Variants in POR observed in about 807,000 individuals in gnomAD.
POR encodes NADPH--cytochrome P450 reductase.
In POR, 56 loss-of-function variants were observed where a neutral mutation model predicts 84.0. That is an observed-to-expected ratio of 0.67 (90% CI 0.54 to 0.83). The LOEUF (loss-of-function observed/expected upper bound fraction) is 0.83, where lower values mean the gene tolerates loss of function less well. Ranked by LOEUF, POR falls within the 40% of genes least tolerant of loss-of-function variation. The pLI, the probability that POR is intolerant of heterozygous loss-of-function variation, is 0.00. For missense variants in POR, 938 were observed against 944.3 expected, an observed-to-expected ratio of 0.99 and a Z score of 0.09; for synonymous variants, 414 against 400.5, an observed-to-expected ratio of 1.03 and a Z score of -0.40.
rs781795917 is a variant in POR, at chr7:75,986,012, A to G, written c.1759A>G (p.Arg587Gly). 1.7e-5 allele frequency: 26 copies of G among 1,566,532 alleles called. No homozygotes were observed. Among genetic ancestry groups the G allele is most frequent in the Non-Finnish European group, 2.2e-5 (26 of 1,156,856 alleles). ...CCGGGAGGAGCTGGCGCAGTTCCAC[A>G]GGGACGGTGCGCTCACCCAGCTCAA... The change falls in exon 14 of 16, where the codon AGG becomes GGG. Residue 587 changes from arginine to glycine, a missense_variant. By Grantham distance (125) the Arg-to-Gly change is moderately radical. Coordinates refer to ENST00000461988, the MANE Select transcript of POR (RefSeq NM_000941.3).
intron 2 of POR, among the ~76,000 whole-genome samples, chr7:75,966,348 T>C (rs1788182592): frequency 6.6e-6 from 1 of 152,132 alleles, no homozygotes; most frequent in African/African-American, 2.4e-5. Flanking sequence ...CAAACCACTT[T>C]CTGTTTTCAC....
In POR at chr7:75,954,080, G is replaced by C; in HGVS notation, c.88G>C (p.Asp30His). Residue 30 changes from aspartate to histidine, a missense_variant, in exon 2 of 16, where the codon GAC becomes CAC. Physicochemically the swap from Asp to His is moderately conservative, Grantham distance 81 (BLOSUM62 -1). Coordinates refer to ENST00000461988, the MANE Select transcript of POR (RefSeq NM_000941.3). ...AGAAGTATCTCTTTTCAGCATGACGGACATGATTCTGTTTTCGCTCATCGT... is the reference window on the plus strand; with the variant it reads ...AGAAGTATCTCTTTTCAGCATGACGCACATGATTCTGTTTTCGCTCATCGT... 1 of 1,613,080 alleles carries C rather than the reference G, an allele frequency of 6.2e-7. No individual in the cohort carries two copies. The highest frequency in any genetic ancestry group is 8.5e-7 in the Non-Finnish European group (1 of 1,179,492).
At chr7:75,960,789 C>T (rs17362733) in intron 2 of POR, among the ~76,000 whole-genome samples, 7,128 of 152,180 alleles carry the variant, frequency 0.047, 220 homozygotes, top group Non-Finnish European at 0.073. Context: ...GGCCGCCTGT[C>T]GGAGGGAAGC....
intron 1 of POR, among the ~76,000 whole-genome samples, chr7:75,950,131 A>C (rs1176309494): frequency 1.3e-5 from 2 of 151,658 alleles, no homozygotes; most frequent in Non-Finnish European, 2.9e-5. Flanking sequence ...TGGCCTCCCA[A>C]AGTGCTGGGA....
At chr7:75,920,057 T>C (rs965155513) in intron 1 of POR, among the ~76,000 whole-genome samples, 6 of 79,440 alleles carry the variant, frequency 7.6e-5, no homozygotes, top group African/African-American at 3.6e-4. Context: ...GTTGAATTTC[T>C]TTTTTTTTTT....
chr7:75,983,771 A>G lies in POR; in HGVS notation c.981A>G (p.Pro327=), dbSNP rs1554558533. 1 of 1,612,454 alleles carries G rather than the reference A, an allele frequency of 6.2e-7. No individual in the cohort carries two copies. Among genetic ancestry groups the G allele is most frequent in the East Asian group, 2.2e-5 (1 of 44,864 alleles). Reference sequence around the variant, plus strand: ...CTGGGGACCACGTGGCTGTGTACCCAGCCAACGACTCTGCTCTCGTCAACC... The same window carrying G: ...CTGGGGACCACGTGGCTGTGTACCCGGCCAACGACTCTGCTCTCGTCAACC... Residue 327 remains proline, a synonymous_variant, in exon 10 of 16, where the codon CCA becomes CCG. Transcript: ENST00000461988.
rs1040331805 is a variant in POR at position 75,915,187 on chromosome 7, C to G, written c.-5+8C>G. The G allele has an allele frequency of 3.2e-5, 5 of 154,472 alleles. No homozygotes were observed. Among genetic ancestry groups the G allele is most frequent in the African/African-American group, 1.2e-4 (5 of 41,530 alleles). 9.6% of individuals were successfully genotyped at this position (154,472 alleles called of 1,614,324 possible). On this transcript the variant is annotated splice_region_variant and intron_variant, in intron 1 of 15. Transcript: ENST00000461988. ...GCAGCCGGGCTGCCAGCGGTGAGTG[C>G]TATCTTTCGCGGCGACGGCGGGGTG... is the stretch of plus-strand genomic sequence containing the variant.
In POR at chr7:75,940,407, C is replaced by T. The variant is rs542489562; in HGVS notation, c.-4-13582C>T. Among the ~76,000 whole-genome samples the T allele has an allele frequency of 3.3e-5, 5 of 151,920 alleles. No individual in the cohort carries two copies. The East Asian group carries it at 7.8e-4, about 24-fold the overall frequency. On this transcript the variant is annotated intron_variant, in intron 1 of 15. Coordinates refer to ENST00000461988, the MANE Select transcript of POR (RefSeq NM_000941.3). ...TGGCTTACTCTTATCTTAGATATCA[C>T]GCTAACAAGCAGCTGATTTCCCAAT...
At chr7:75,964,974 G>A (rs10269300) in intron 2 of POR, among the ~76,000 whole-genome samples, 53,411 of 151,912 alleles carry the variant, frequency 0.35, 9,630 homozygotes, top group Middle Eastern at 0.48. Context: ...CTGTGGTCAC[G>A]CCACTGCACT....
At position 75,986,065 on chromosome 7, in the gene POR, CA is replaced by C; in HGVS notation, c.1814del (p.Lys605ArgfsTer8). 6.4e-7 allele frequency: 1 copy of C among 1,562,256 alleles called. No homozygotes were observed. The highest frequency in any genetic ancestry group is 8.7e-7 in the Non-Finnish European group (1 of 1,154,248). On this transcript the variant is annotated frameshift_variant and splice_region_variant, in exon 14 of 16. Coordinates refer to ENST00000461988, the MANE Select transcript of POR (RefSeq NM_000941.3). LOFTEE classifies it high-confidence loss of function. The stretch of plus-strand genomic sequence containing the variant: ...TGGCCTTCTCCCGGGAGCAGTCCCA[CA>C]AGGTGAGACGGGCGGGCACCCACGA...
chr7:75,941,851 A>G (rs1319836200), intron 1 of POR, among the ~76,000 whole-genome samples: 2 of 151,932 alleles, frequency 1.3e-5, no homozygotes, highest in Non-Finnish European at 2.9e-5. Context: ...AATTCGAGTA[A>G]TAACTAATAA....
At chr7:75,950,013 C>T (rs1290621360) in intron 1 of POR, among the ~76,000 whole-genome samples, 1 of 152,038 alleles carries the variant, frequency 6.6e-6, no homozygotes, top group East Asian at 1.9e-4. Context: ...CAGGTGCCTG[C>T]CACCACGCCT....
rs41301403 is a variant in POR at position 75,983,980 on chromosome 7, G to A, written c.1066+124G>A. ...CCGGTGCCTGGGAGGCCCTTGCACC[G>A]AGACTCCACGGTTACAGGATCCCAA... On this transcript the variant is annotated intron_variant, in intron 10 of 15. Coordinates refer to ENST00000461988, the MANE Select transcript of POR (RefSeq NM_000941.3). 1.8e-3 allele frequency: 1,314 copies of A among 714,746 alleles called. 13 individuals carry two copies. In the African/African-American group the frequency reaches 0.02, roughly 11 times the overall value. The allele number at this position is 714,746 out of a possible 1,614,324, so 44.3% of individuals were successfully genotyped here. A position where few individuals can be genotyped will look rare whatever the true frequency, so the allele number is the denominator to read the frequency against.
chr7:75,979,381 C>G, intron 3 of POR, 70 bp from the exon 4 acceptor site: 1 of 1,573,960 alleles, frequency 6.4e-7, no homozygotes, highest in Non-Finnish European at 8.6e-7. Flanking sequence ...CCAGGCCTGC[C>G]CAGTGGGTGT....
chr7:75,985,286 A>C (rs1789361454), intron 12 of POR, 79 bp downstream of exon 12: 1 of 1,444,746 alleles, frequency 6.9e-7, no homozygotes, highest in Admixed American at 2.4e-5. Flanking sequence ...AAGGCGGCAC[A>C]GGAGCTCCGA....
Position 75,917,378 on chromosome 7 carries a change from T to G in POR, c.-5+2199T>G, listed in dbSNP as rs573151382. Among the ~76,000 whole-genome samples, 10 of 135,244 alleles carry G rather than the reference T, an allele frequency of 7.4e-5. No homozygotes were observed. In the South Asian group the frequency reaches 2.2e-3, roughly 30 times the overall value. The allele number at this position is 135,244 out of a possible 152,430, so 88.7% of individuals were successfully genotyped here. On this transcript the variant is annotated intron_variant, in intron 1 of 15. Transcript: ENST00000461988. ...CCACCGTTCCTGGCTTTCTTATTTC[T>G]TCTTCTTTTTTTTTTTTTTTTTTCT...
chr7:75,958,894 T>A (rs1554554131), intron 2 of POR, among the ~76,000 whole-genome samples: 1 of 152,124 alleles, frequency 6.6e-6, no homozygotes, highest in Admixed American at 6.6e-5. Context: ...TTATCTGAAG[T>A]GCTTGCCAGA....
chr7:75,943,641 C>G, intron 1 of POR: 1 of 281,194 alleles, frequency 3.6e-6, no homozygotes, highest in Non-Finnish European at 7.2e-6. Context: ...TCAGATTGTA[C>G]TAAACTTTTC....
At chr7:75,975,745 T>C (rs1435488741) in intron 3 of POR, among the ~76,000 whole-genome samples, 1 of 152,014 alleles carries the variant, frequency 6.6e-6, no homozygotes, top group Non-Finnish European at 1.5e-5. Context: ...AATGTTTTAA[T>C]ATATGGATTC....
Sources: gnomAD v4.1 joint callset for allele counts (sites outside exome capture counted in the v4.1 genomes callset) on GRCh38, gnomAD v4.1.1 for gene constraint, MANE v1.5 for transcripts, NCBI Gene and HGNC (gene_info 2026-07-23, HGNC 2026-07-21) for gene names.